TDRD10: variants seen among roughly 807,000 people sequenced by gnomAD.
TDRD10 encodes the protein tudor domain containing 10, also known as tudor domain-containing protein 10.
Under a neutral mutation model 48.0 loss-of-function variants are expected in TDRD10, and 40 were observed. That is an observed-to-expected ratio of 0.83 (90% CI 0.65 to 1.09). The LOEUF (loss-of-function observed/expected upper bound fraction) is 1.09, where lower values mean the gene tolerates loss of function less well. Among genes scored for constraint, TDRD10 ranks in the 50% least tolerant of loss-of-function variants. TDRD10 has a pLI of 0.00. For missense variants in TDRD10, 378 were observed against 434.7 expected (o/e 0.87, Z 1.16); for synonymous variants, 162 against 170.4 (o/e 0.95, Z 0.38).
chr1:154,537,986 GTGTGGCCACCTT>G (rs1476808552), intron 6 of TDRD10, among the ~76,000 whole-genome samples: 5 of 152,130 alleles, frequency 3.3e-5, no homozygotes, highest in Non-Finnish European at 7.3e-5. Context: ...TGTGGCTTCC[GTGTGGCCACCTT>G]TGTATTACAG....
chr1:154,520,335 A>T lies in TDRD10; in HGVS notation c.173A>T (p.Asn58Ile). Residue 58 changes from asparagine (N) to isoleucine (I), a missense_variant, in exon 5 of 13, where the codon AAC (asparagine) becomes ATC (isoleucine). Physicochemically the swap from Asn to Ile is moderately radical, Grantham distance 149. Transcript: ENST00000368482. ...EEILYLLKDF[N>I]PLDVHKIQNG... is the part of the protein sequence containing the mutation. ...ATTCTGTACCTTCTAAAGGACTTCA[A>T]CCCTCTTGATGTCCACAAAATCCAG... 1 of 1,613,918 alleles carries T rather than the reference A, an allele frequency of 6.2e-7. No individual in the cohort carries two copies. Among genetic ancestry groups the T allele is most frequent in the East Asian group, 2.2e-5 (1 of 44,888 alleles).
chr1:154,509,872 T>G (rs1437730565), intron 4 of TDRD10: 4 of 984,792 alleles, frequency 4.1e-6, no homozygotes, highest in African/African-American at 1.8e-5. Flanking sequence ...TCTGGGGAGG[T>G]AAGATGCTGA....
At position 154,506,887 on chromosome 1, in the gene TDRD10, T is replaced by C. The variant is rs752947990; in HGVS notation, c.-17T>C. The C allele has an allele frequency of 1.9e-6, 3 of 1,614,200 alleles. No homozygotes were observed. In the East Asian group the frequency reaches 6.7e-5, roughly 36 times the overall value. Reference sequence around the variant, plus strand: ...CGGTTGGTTTTGTAGGAGATCCTGTTGGAAAGCAACTGCAGCATGTAAGTC... The same window carrying C: ...CGGTTGGTTTTGTAGGAGATCCTGTCGGAAAGCAACTGCAGCATGTAAGTC... On this transcript the variant is annotated 5_prime_UTR_variant, in exon 2 of 13. Coordinates refer to ENST00000368482, the MANE Select transcript of TDRD10 (RefSeq NM_182499.4).
At chr1:154,547,528 T>G in intron 12 of TDRD10, 49 bp downstream of exon 12, 3 of 1,614,254 alleles carry the variant, frequency 1.9e-6, no homozygotes, top group Non-Finnish European at 2.5e-6. Flanking sequence ...ACTCCTGCCC[T>G]TGGGGTGTCT....
At chr1:154,541,623 T>C (rs1201134000) in intron 6 of TDRD10, among the ~76,000 whole-genome samples, 1 of 152,004 alleles carries the variant, frequency 6.6e-6, no homozygotes, top group Non-Finnish European at 1.5e-5. Context: ...GGCTTTTCTG[T>C]CCCCACCCAG....
chr1:154,507,097 C>T (rs552227009), intron 2 of TDRD10, 144 bp from the exon 3 acceptor site: 4 of 1,523,936 alleles, frequency 2.6e-6, no homozygotes, highest in Non-Finnish European at 3.5e-6. Flanking sequence ...TGGCTTGGAA[C>T]CTGATTCTGG....
intron 6 of TDRD10, among the ~76,000 whole-genome samples, chr1:154,537,199 C>T (rs1424159114): frequency 6.6e-6 from 1 of 152,196 alleles, no homozygotes; most frequent in Non-Finnish European, 1.5e-5. Context: ...GCACCCACCC[C>T]TGGCACCCTT....
At chr1:154,518,489 G>A (rs1461331731) in intron 4 of TDRD10, among the ~76,000 whole-genome samples, 1 of 151,994 alleles carries the variant, frequency 6.6e-6, no homozygotes, top group African/African-American at 2.4e-5. Context: ...GTGCAGTGGT[G>A]CGATCTCGGT....
chr1:154,544,619 C>G, intron 10 of TDRD10, 102 bp downstream of exon 10: 1 of 1,494,008 alleles, frequency 6.7e-7, no homozygotes, highest in East Asian at 2.3e-5. Context: ...TTTCCTGTGG[C>G]TTCTTCTCTC....
chr1:154,521,444 A>AC lies in TDRD10; in HGVS notation c.338dup (p.Asp114Ter), dbSNP rs747864395. On this transcript the variant is annotated frameshift_variant, in exon 6 of 13. Coordinates refer to ENST00000368482, the MANE Select transcript of TDRD10 (RefSeq NM_182499.4). LOFTEE classifies it high-confidence loss of function. The stretch of plus-strand genomic sequence containing the variant: ...TACAAGCAAAAGGCCCCCCAAGAGG[A>AC]CCCCTGATATGATCCAGCAGCCTCG... 3 of 1,613,930 alleles carry AC rather than the reference A, an allele frequency of 1.9e-6. No individual in the cohort carries two copies. The highest frequency in any genetic ancestry group is 2.7e-5 in the African/African-American group (2 of 74,988).
intron 6 of TDRD10, among the ~76,000 whole-genome samples, chr1:154,528,154 G>A (rs1268091814): frequency 6.6e-6 from 1 of 151,722 alleles, no homozygotes; most frequent in Non-Finnish European, 1.5e-5. Context: ...CACTTTGGGA[G>A]GCCAAGGTGA....
chr1:154,526,414 C>G (rs1040594217), intron 6 of TDRD10, among the ~76,000 whole-genome samples: 2 of 93,546 alleles, frequency 2.1e-5, no homozygotes, highest in Non-Finnish European at 4.3e-5. Context: ...ACAACTTTCA[C>G]AGATTTTTTT....
At chr1:154,546,653 C>T (rs760373873) in intron 11 of TDRD10, among the ~76,000 whole-genome samples, 7 of 152,032 alleles carry the variant, frequency 4.6e-5, no homozygotes, top group Non-Finnish European at 8.8e-5. Flanking sequence ...AGGCTGGGAA[C>T]AGCCAGGCAT....
intron 8 of TDRD10, among the ~76,000 whole-genome samples, chr1:154,543,240 A>C (rs777268099): frequency 4.6e-5 from 7 of 152,180 alleles, no homozygotes; most frequent in Non-Finnish European, 7.3e-5. Flanking sequence ...GTGCCACTGC[A>C]GTCCAGCCTG....
intron 6 of TDRD10, among the ~76,000 whole-genome samples, chr1:154,524,596 C>G (rs941220283): frequency 6.6e-6 from 1 of 152,110 alleles, no homozygotes; most frequent in South Asian, 2.1e-4. Context: ...ATCTTTTATC[C>G]TATTAAGGGT....
At chr1:154,525,562 A>T (rs1013785079) in intron 6 of TDRD10, among the ~76,000 whole-genome samples, 7 of 152,186 alleles carry the variant, frequency 4.6e-5, no homozygotes, top group Admixed American at 1.3e-4. Flanking sequence ...GAGTTGATTG[A>T]AGAAGTAGGT....
intron 6 of TDRD10, among the ~76,000 whole-genome samples, chr1:154,529,778 CAGG>C (rs1248535977): frequency 6.6e-6 from 1 of 152,054 alleles, no homozygotes; most frequent in Non-Finnish European, 1.5e-5. Flanking sequence ...CTCCTGACCT[CAGG>C]TGATCCGCCT....
intron 4 of TDRD10, among the ~76,000 whole-genome samples, chr1:154,511,146 C>A (rs916242547): frequency 2.0e-5 from 3 of 151,918 alleles, no homozygotes; most frequent in African/African-American, 7.3e-5. Context: ...ATTTTGTCAC[C>A]CAGGCTGGAA....
chr1:154,520,785 C>T (rs1466961067), intron 5 of TDRD10, among the ~76,000 whole-genome samples: 1 of 152,136 alleles, frequency 6.6e-6, no homozygotes, highest in Non-Finnish European at 1.5e-5. Flanking sequence ...TCGCTCAGGC[C>T]GGAGTGCTGT....
Sources: gnomAD v4.1 joint callset for allele counts (sites outside exome capture counted in the v4.1 genomes callset) on GRCh38, gnomAD v4.1.1 for gene constraint, MANE v1.5 for transcripts, NCBI Gene and HGNC (gene_info 2026-07-23, HGNC 2026-07-21) for gene names.